Variants in RABGAP1 observed in about 807,000 individuals in gnomAD.
The protein encoded by RABGAP1 is rab GTPase-activating protein 1.
In RABGAP1, 23 loss-of-function variants were observed where a neutral mutation model predicts 137.6. The observed-to-expected ratio is 0.17, with a 90% CI of 0.12 to 0.24. RABGAP1 has a LOEUF of 0.24. RABGAP1 is among the 10% of genes least tolerant of loss of function. The probability of loss-of-function intolerance (pLI) is 1.00; values close to 1 mark genes in which losing one functional copy is unlikely to be tolerated. For synonymous variants in RABGAP1, 451 were observed against 450.7 expected (o/e 1.00, Z -0.01); for missense variants, 906 against 1,275.8 (o/e 0.71, Z 4.42).
chr9:122,977,717 A>G (rs1211011890), intron 2 of RABGAP1, among the ~76,000 whole-genome samples: 1 of 152,172 alleles, frequency 6.6e-6, no homozygotes, highest in East Asian at 1.9e-4. Flanking sequence ...CAAAAAGAAA[A>G]AAAAAAGCAG....
chr9:122,946,787 A>AT (rs1375296982), intron 1 of RABGAP1, among the ~76,000 whole-genome samples: 9 of 152,188 alleles, frequency 5.9e-5, no homozygotes, highest in South Asian at 4.1e-4. Flanking sequence ...CATTGGCAAG[A>AT]TTTTTTTCAG....
At chr9:123,007,047 G>GA (rs924514428) in intron 10 of RABGAP1, among the ~76,000 whole-genome samples, 61 of 145,366 alleles carry the variant, frequency 4.2e-4, no homozygotes, top group Admixed American at 1.0e-3. Context: ...TGTAGCTCTG[G>GA]AAAAAAAAAA....
intron 19 of RABGAP1, among the ~76,000 whole-genome samples, chr9:123,089,111 G>C (rs2034960545): frequency 6.6e-6 from 1 of 152,148 alleles, no homozygotes; most frequent in Non-Finnish European, 1.5e-5. Context: ...GGGTGAGAGG[G>C]CATCTAAGCA....
intron 21 of RABGAP1, among the ~76,000 whole-genome samples, chr9:123,096,632 G>A (rs1293087011): frequency 6.6e-6 from 1 of 152,110 alleles, no homozygotes; most frequent in South Asian, 2.1e-4. Context: ...GCAATGGTGC[G>A]ATCTTGGCTC....
In RABGAP1 at chr9:123,068,171, G is replaced by A. The variant is rs138663859; in HGVS notation, c.1909-2179G>A. On this transcript the variant is annotated intron_variant, in intron 14 of 25. Transcript: ENST00000373647. ...TCGAGACCAGCCTGGCCAACATGATGAAACCCCATCTCTACTAAAAATACA... is the reference window on the plus strand; with the variant it reads ...TCGAGACCAGCCTGGCCAACATGATAAAACCCCATCTCTACTAAAAATACA... Among the ~76,000 whole-genome samples, 508 of 152,100 alleles carry A rather than the reference G, an allele frequency of 3.3e-3. 4 individuals carry two copies. The highest frequency in any genetic ancestry group is 0.012 in the African/African-American group (490 of 41,492).
intron 4 of RABGAP1, among the ~76,000 whole-genome samples, chr9:122,986,781 A>G (rs1475527244): frequency 6.6e-6 from 1 of 152,200 alleles, no homozygotes; most frequent in African/African-American, 2.4e-5. Context: ...TTTGAAAGTT[A>G]CAAAAATTTA....
At chr9:123,015,141 T>A (rs977416863) in intron 11 of RABGAP1, among the ~76,000 whole-genome samples, 4 of 152,216 alleles carry the variant, frequency 2.6e-5, no homozygotes, top group African/African-American at 9.6e-5. Context: ...TCAACCATTC[T>A]CTACTCCTAT....
intron 7 of RABGAP1, 106 bp downstream of exon 7, chr9:122,996,257 TC>T (rs1837017410): frequency 6.9e-7 from 1 of 1,441,384 alleles, no homozygotes; most frequent in South Asian, 1.5e-5. Flanking sequence ...AGAATTTTGT[TC>T]CCTAGGAAAT....
At position 122,989,397 on chromosome 9, in the gene RABGAP1, T is replaced by G. The variant is rs1301447370; in HGVS notation, c.691T>G (p.Phe231Val). Reference protein sequence around the residue: ...GHDGTPESDCFAFTESHYNAE... With the variant: ...GHDGTPESDCVAFTESHYNAE... ...TGATGGAACTCCTGAGAGTGACTGT[T>G]TTGCTTTCACTGAAAGTCATTACAA... Residue 231 changes from phenylalanine (F) to valine (V), a missense_variant, in exon 5 of 26, where the codon TTT (phenylalanine) becomes GTT (valine). Phe to Val is a conservative substitution (Grantham distance 50, BLOSUM62 -1). Transcript: ENST00000373647. 26 of 1,614,076 alleles carry G rather than the reference T, an allele frequency of 1.6e-5. No individual in the cohort carries two copies. Among genetic ancestry groups the G allele is most frequent in the Non-Finnish European group, 2.2e-5 (26 of 1,179,988 alleles).
chr9:123,021,938 TC>T (rs2031665659), intron 13 of RABGAP1, among the ~76,000 whole-genome samples: 1 of 151,812 alleles, frequency 6.6e-6, no homozygotes, highest in African/African-American at 2.4e-5. Context: ...AACAGAGGAG[TC>T]TTTATCAGGA....
intron 13 of RABGAP1, among the ~76,000 whole-genome samples, chr9:123,024,696 C>T (rs2031855209): frequency 6.6e-6 from 1 of 152,082 alleles, no homozygotes; most frequent in Admixed American, 6.5e-5. Context: ...CCTCGGCCTC[C>T]CAAAGTTCTG....
intron 1 of RABGAP1, chr9:122,945,577 T>C (rs1257960817): frequency 6.6e-6 from 1 of 152,228 alleles, no homozygotes; most frequent in African/African-American, 2.4e-5. Flanking sequence ...TGTATTATCT[T>C]GGTTGTAAAG....
At chr9:123,057,144 T>A (rs530201374) in intron 13 of RABGAP1, among the ~76,000 whole-genome samples, 1 of 145,356 alleles carries the variant, frequency 6.9e-6, no homozygotes, top group African/African-American at 2.6e-5. Context: ...GCGGCTGGCC[T>A]GGCGGGGGCT....
chr9:123,076,211 A>G, intron 17 of RABGAP1, 34 bp from the exon 18 acceptor site: 1 of 1,598,972 alleles, frequency 6.3e-7, no homozygotes, highest in Non-Finnish European at 8.6e-7. Flanking sequence ...AGATATAAAA[A>G]CTGACAGTGT....
the RABGAP1 span, among the ~76,000 whole-genome samples, chr9:122,931,910 T>C: frequency 1.4e-5 from 2 of 143,812 alleles, no homozygotes; most frequent in Admixed American, 6.8e-5. Flanking sequence ...TGTAGACTCG[T>C]CGCGCGGGAG....
intron 3 of RABGAP1, among the ~76,000 whole-genome samples, chr9:122,984,989 T>C (rs1236100786): frequency 3.0e-4 from 2 of 6,640 alleles, no homozygotes; most frequent in Non-Finnish European, 0.01. Flanking sequence ...CTTTTTTTTT[T>C]TCCCCCCAGG....
intron 2 of RABGAP1, among the ~76,000 whole-genome samples, chr9:122,978,809 G>A (rs1835897147): frequency 1.3e-5 from 2 of 152,094 alleles, no homozygotes; most frequent in Admixed American, 1.3e-4. Flanking sequence ...ATGTACGAGG[G>A]TTTTCTAGTC....
In RABGAP1 at chr9:123,103,993, G is replaced by GTA. The variant is rs1554734349; in HGVS notation, c.*781_*782insAT. 7.7e-5 allele frequency: 8 copies of GTA among 104,296 alleles called. No individual in the cohort carries two copies. The highest frequency in any genetic ancestry group is 8.0e-4 in the South Asian group (2 of 2,500). The allele number at this position is 104,296 out of a possible 1,614,324, so 6.5% of individuals were successfully genotyped here. A position where few individuals can be genotyped will look rare whatever the true frequency, so the allele number is the denominator to read the frequency against. ...TGTGTGTGTGTGTGTGTGTGTGTGT[G>GTA]TGTATGTATATATATATATAAATAT... is the stretch of plus-strand genomic sequence containing the variant. On this transcript the variant is annotated 3_prime_UTR_variant, in exon 26 of 26. Coordinates refer to ENST00000373647, the MANE Select transcript of RABGAP1 (RefSeq NM_012197.4).
At chr9:123,017,041 GT>G (rs2031284588) in intron 12 of RABGAP1, among the ~76,000 whole-genome samples, 1 of 152,122 alleles carries the variant, frequency 6.6e-6, no homozygotes, top group Non-Finnish European at 1.5e-5. Context: ...CAGAGTAATA[GT>G]TTTCTTATAT....
Sources: allele counts gnomAD v4.1 joint callset (sites outside exome capture counted in the v4.1 genomes callset), GRCh38; gene constraint gnomAD v4.1.1; transcripts MANE v1.5; gene names NCBI Gene and HGNC (gene_info 2026-07-23, HGNC 2026-07-21).